Variants in ASH1L observed in about 807,000 individuals in gnomAD.
The protein encoded by ASH1L is ASH1 like histone lysine methyltransferase.
A neutral mutation model predicts 269.0 loss-of-function variants in ASH1L; 23 were observed. The observed-to-expected ratio is 0.09, with a 90% CI of 0.06 to 0.12. ASH1L has a LOEUF of 0.12. Among genes scored for constraint, ASH1L ranks in the 10% least tolerant of loss-of-function variants. The probability of loss-of-function intolerance (pLI) is 1.00; values close to 1 mark genes in which losing one functional copy is unlikely to be tolerated. For missense variants in ASH1L, 2,912 were observed against 3,567.8 expected (o/e 0.82, Z 4.68); for synonymous variants, 1,187 against 1,253.5 (o/e 0.95, Z 1.12).
intron 1 of ASH1L, among the ~76,000 whole-genome samples, chr1:155,560,589 C>G (rs1339069513): frequency 6.6e-6 from 1 of 152,178 alleles, no homozygotes; most frequent in Non-Finnish European, 1.5e-5. Flanking sequence ...ACTCCCCTCA[C>G]GTTGTACCCA....
intron 4 of ASH1L, among the ~76,000 whole-genome samples, chr1:155,452,872 TG>T (rs1320205622): frequency 2.0e-5 from 3 of 152,306 alleles, no homozygotes; most frequent in African/African-American, 7.2e-5. Flanking sequence ...GTAATCTTTA[TG>T]GGGGCCTTCA....
At chr1:155,552,568 C>G (rs1671291782) in intron 1 of ASH1L, among the ~76,000 whole-genome samples, 1 of 152,080 alleles carries the variant, frequency 6.6e-6, no homozygotes, top group Non-Finnish European at 1.5e-5. Flanking sequence ...ACGGCGTGAA[C>G]CCGGGAGGCA....
At chr1:155,551,617 G>GC (rs1180620381) in intron 1 of ASH1L, among the ~76,000 whole-genome samples, 1 of 136,992 alleles carries the variant, frequency 7.3e-6, no homozygotes, top group African/African-American at 2.8e-5. Context: ...CCGAGATCCC[G>GC]CCACTGCACT....
At chr1:155,402,700 C>T (rs557789239) in intron 6 of ASH1L, among the ~76,000 whole-genome samples, 1 of 152,042 alleles carries the variant, frequency 6.6e-6, no homozygotes, top group East Asian at 1.9e-4. Context: ...GGTCTGTGTG[C>T]CACTATGCCT....
rs1660299344 is a variant in ASH1L, at chr1:155,417,334, G to T, written c.5829-1411C>A. Among the ~76,000 whole-genome samples, 4 of 152,016 alleles carry T rather than the reference G, an allele frequency of 2.6e-5. No individual in the cohort carries two copies. In the South Asian group the frequency reaches 8.3e-4, roughly 31 times the overall value. On this transcript the variant is annotated intron_variant, in intron 5 of 27. Coordinates refer to ENST00000392403, the MANE Select transcript of ASH1L (RefSeq NM_018489.3). ...GAAAAGGGATATATCAGAGTACAGA[G>T]GGACTGAGATAGCTGGAATTTGTGG...
chr1:155,375,683 C>T (rs1251493287), intron 10 of ASH1L, among the ~76,000 whole-genome samples: 2 of 151,786 alleles, frequency 1.3e-5, no homozygotes, highest in East Asian at 1.9e-4. Flanking sequence ...CCCAGCTACT[C>T]GCAAGGATGA....
intron 13 of ASH1L, among the ~76,000 whole-genome samples, chr1:155,359,247 T>A (rs1350719943): frequency 6.6e-6 from 1 of 152,172 alleles, no homozygotes; most frequent in South Asian, 2.1e-4. Context: ...TAGGTAGGTA[T>A]GCACTACTGT....
At chr1:155,484,402 C>A (rs527652633) in intron 2 of ASH1L, among the ~76,000 whole-genome samples, 1 of 152,034 alleles carries the variant, frequency 6.6e-6, no homozygotes, top group Non-Finnish European at 1.5e-5. Context: ...GCAGGAGAAT[C>A]GCTTGAACCT....
At chr1:155,356,507 T>C (rs1654398297) in intron 15 of ASH1L, among the ~76,000 whole-genome samples, 1 of 151,492 alleles carries the variant, frequency 6.6e-6, no homozygotes. Flanking sequence ...TGGTGGCACG[T>C]GCCTGTAGTC....
chr1:155,482,156 C>A lies in ASH1L; in HGVS notation c.714G>T (p.Lys238Asn). The change falls in exon 3 of 28, where the codon AAG (lysine) becomes AAT (asparagine). Residue 238 changes from lysine (K) to asparagine (N), a missense_variant. By Grantham distance (94) the Lys-to-Asn change is moderately conservative. Transcript: ENST00000392403. ...CTGCTGTAGTGCCAGTTCCTAACTTCTTCGGTTTTGTCTTGGAAGACTTGG... is the reference window on the plus strand; with the variant it reads ...CTGCTGTAGTGCCAGTTCCTAACTTATTCGGTTTTGTCTTGGAAGACTTGG... ...PPSKSSKTKP[K>N]KLGTGTTAGL... The A allele has an allele frequency of 6.2e-7, 1 of 1,614,192 alleles. No homozygotes were observed. Among genetic ancestry groups the A allele is most frequent in the Non-Finnish European group, 8.5e-7 (1 of 1,180,022 alleles).
chr1:155,388,068 G>T (rs571353754), intron 7 of ASH1L, among the ~76,000 whole-genome samples: 3 of 152,274 alleles, frequency 2.0e-5, no homozygotes, highest in South Asian at 2.1e-4. Context: ...GTTTGCTGGT[G>T]TAAGTTTGAG....
chr1:155,435,184 G>A (rs1661989820), intron 5 of ASH1L, among the ~76,000 whole-genome samples: 1 of 152,094 alleles, frequency 6.6e-6, no homozygotes, highest in African/African-American at 2.4e-5. Flanking sequence ...CAAAAACTTA[G>A]TGTATGATAA....
chr1:155,354,621 C>A lies in ASH1L; in HGVS notation c.7065G>T (p.Val2355=). Residue 2355 remains valine, a synonymous_variant, in exon 16 of 28, where the codon GTG becomes GTT. Coordinates refer to ENST00000392403, the MANE Select transcript of ASH1L (RefSeq NM_018489.3). ...GGACCAAGAATACATGATGCTTTAACACAAAGTTCCTGCAAGGAAGGAAAA... is the reference window on the plus strand; with the variant it reads ...GGACCAAGAATACATGATGCTTTAAAACAAAGTTCCTGCAAGGAAGGAAAA... ...KPMSNRERNF[V]LKHHVFLVRN... 1 of 1,607,488 alleles carries A rather than the reference C, an allele frequency of 6.2e-7. No homozygotes were observed. Among genetic ancestry groups the A allele is most frequent in the Non-Finnish European group, 8.5e-7 (1 of 1,178,502 alleles).
intron 1 of ASH1L, among the ~76,000 whole-genome samples, chr1:155,546,167 A>AC (rs1410783725): frequency 2.7e-5 from 4 of 150,546 alleles, no homozygotes; most frequent in African/African-American, 7.3e-5. Flanking sequence ...CCAAAAAAAA[A>AC]AAAAAAAACA....
intron 2 of ASH1L, among the ~76,000 whole-genome samples, chr1:155,495,947 G>A (rs889857994): frequency 6.6e-6 from 1 of 152,104 alleles, no homozygotes; most frequent in South Asian, 2.1e-4. Flanking sequence ...GCAGTGAGCC[G>A]AGATCGTGCT....
intron 5 of ASH1L, chr1:155,433,138 G>A: frequency 6.9e-7 from 1 of 1,445,826 alleles, no homozygotes; most frequent in Non-Finnish European, 9.3e-7. Flanking sequence ...AAAAATATTT[G>A]ACATTTCACC....
intron 1 of ASH1L, among the ~76,000 whole-genome samples, chr1:155,539,589 C>A (rs904137417): frequency 5.9e-5 from 9 of 152,082 alleles, no homozygotes; most frequent in Non-Finnish European, 1.2e-4. Context: ...GCTGGGACTA[C>A]AGGCACACAC....
At chr1:155,492,307 T>C (rs1210334250) in intron 2 of ASH1L, among the ~76,000 whole-genome samples, 2 of 152,142 alleles carry the variant, frequency 1.3e-5, no homozygotes, top group African/African-American at 4.8e-5. Context: ...CCTCCCAAAG[T>C]GCTGGGATTA....
chr1:155,543,423 T>C (rs182607745), intron 1 of ASH1L, among the ~76,000 whole-genome samples: 54 of 148,874 alleles, frequency 3.6e-4, no homozygotes, highest in African/African-American at 8.7e-4. Context: ...AGCAGGAAAA[T>C]TGCTTGAACC....
Sources: allele counts gnomAD v4.1 joint callset (sites outside exome capture counted in the v4.1 genomes callset), GRCh38; gene constraint gnomAD v4.1.1; transcripts MANE v1.5; gene names NCBI Gene and HGNC (gene_info 2026-07-23, HGNC 2026-07-21).